CEP192: variants seen among roughly 807,000 people sequenced by gnomAD.
CEP192 encodes centrosomal protein 192.
CEP192 carries 151 observed loss-of-function variants against 271.8 expected under a neutral mutation model. The ratio of observed to expected loss-of-function variants is 0.56; its 90% CI spans 0.49 to 0.64. CEP192 has a LOEUF of 0.64. CEP192 is among the 30% of genes least tolerant of loss of function. The pLI, the probability that CEP192 is intolerant of heterozygous loss-of-function variation, is 0.00. For missense variants in CEP192, 2,910 were observed against 3,020.5 expected, an observed-to-expected ratio of 0.96 and a Z score of 0.86; for synonymous variants, 995 against 1,076.5, an observed-to-expected ratio of 0.92 and a Z score of 1.48.
chr18:13,122,105 A>G (rs919767695), intron 44 of CEP192, among the ~76,000 whole-genome samples: 1 of 152,174 alleles, frequency 6.6e-6, no homozygotes, highest in Non-Finnish European at 1.5e-5. Flanking sequence ...CCTGGCCAAC[A>G]TGTGAAACCC....
chr18:13,075,764 C>T (rs536010926), intron 30 of CEP192, among the ~76,000 whole-genome samples: 6 of 152,202 alleles, frequency 3.9e-5, no homozygotes, highest in Non-Finnish European at 8.8e-5. Flanking sequence ...GATACTACTA[C>T]TCTTGCCATT....
At chr18:13,054,271 G>A (rs909467497) in intron 18 of CEP192, among the ~76,000 whole-genome samples, 3 of 152,250 alleles carry the variant, frequency 2.0e-5, no homozygotes, top group Non-Finnish European at 4.4e-5. Flanking sequence ...GACAGTAGCA[G>A]TGGGAATAGA....
chr18:13,008,591 A>G lies in CEP192; in HGVS notation c.426A>G (p.Gln142=). 6.4e-7 allele frequency: 1 copy of G among 1,551,730 alleles called. No homozygotes were observed. The highest frequency in any genetic ancestry group is 2.4e-5 in the East Asian group (1 of 40,926). The change falls in exon 4 of 45, where the codon CAA becomes CAG. Residue 142 remains glutamine (Q), a synonymous_variant. Transcript: ENST00000506447. ...PAGATESLQG[Q]DLFNRASPLE... ...GAGCTACAGAATCCTTGCAGGGCCA[A>G]GATCTCTTCAACAGGGCTTCACCAC... is the stretch of plus-strand genomic sequence containing the variant.
At chr18:13,013,779 A>T (rs1435819226) in intron 5 of CEP192, among the ~76,000 whole-genome samples, 2 of 152,248 alleles carry the variant, frequency 1.3e-5, no homozygotes, top group Admixed American at 1.3e-4. Context: ...TCATGAATTT[A>T]TGAGACTTAC....
At chr18:13,119,130 AG>A (rs768906710) in intron 44 of CEP192, among the ~76,000 whole-genome samples, 1 of 152,266 alleles carries the variant, frequency 6.6e-6, no homozygotes, top group Non-Finnish European at 1.5e-5. Flanking sequence ...GCACAACTGC[AG>A]AGGCAATTAG....
rs776011694 is a variant in CEP192 at position 13,092,517 on chromosome 18, G to A, written c.6244G>A (p.Glu2082Lys). 72 of 1,604,508 alleles carry A rather than the reference G, an allele frequency of 4.5e-5. No homozygotes were observed. The highest frequency in any genetic ancestry group is 6.0e-5 in the Non-Finnish European group (71 of 1,176,352). Residue 2082 changes from glutamate to lysine, a missense_variant, in exon 34 of 45, where the codon GAA becomes AAA. Coordinates refer to ENST00000506447, the MANE Select transcript of CEP192 (RefSeq NM_032142.4). ...FLQPSSKASL[E>K]STSDLGASGK... ...TCAGCCTTCTTCCAAAGCTAGCTTGGAATCTACAAGGTAAAATAAATGAAC... is the reference window on the plus strand; with the variant it reads ...TCAGCCTTCTTCCAAAGCTAGCTTGAAATCTACAAGGTAAAATAAATGAAC...
intron 9 of CEP192, 56 bp downstream of exon 9, chr18:13,019,262 G>A (rs2034844719): frequency 1.5e-6 from 2 of 1,346,764 alleles, no homozygotes; most frequent in Non-Finnish European, 1.9e-6. Context: ...GGGGTCTTTT[G>A]TGTTTATATG....
intron 5 of CEP192, among the ~76,000 whole-genome samples, chr18:13,013,331 T>G (rs1409157290): frequency 6.6e-6 from 1 of 151,960 alleles, no homozygotes; most frequent in African/African-American, 2.4e-5. Flanking sequence ...AAGCATTTCT[T>G]TGTGTGTGTG....
chr18:13,019,244 A>G, intron 9 of CEP192, 38 bp downstream of exon 9: 2 of 1,456,276 alleles, frequency 1.4e-6, no homozygotes, highest in Admixed American at 2.9e-5. Flanking sequence ...CTATAAAAAA[A>G]GGAATAAGGG....
intron 8 of CEP192, 68 bp from the exon 9 acceptor site, chr18:13,019,010 CAAGA>C (rs2034828134): frequency 3.7e-6 from 5 of 1,369,096 alleles, no homozygotes; most frequent in Non-Finnish European, 4.9e-6. Flanking sequence ...ATTTGACTGG[CAAGA>C]ATCAGTTATT....
At chr18:13,103,042 T>C (rs1390757781) in intron 38 of CEP192, among the ~76,000 whole-genome samples, 6 of 152,192 alleles carry the variant, frequency 3.9e-5, no homozygotes, top group Non-Finnish European at 7.3e-5. Context: ...CTCCTGCCAC[T>C]CTGTCCATCA....
intron 17 of CEP192, among the ~76,000 whole-genome samples, chr18:13,050,579 T>G (rs937288656): frequency 2.0e-5 from 3 of 151,690 alleles, no homozygotes; most frequent in Non-Finnish European, 4.4e-5. Flanking sequence ...TAATTGCTTT[T>G]TTTTTTTTCT....
rs2038079812 is a variant in CEP192, at chr18:13,072,812, G to A, written c.5406G>A (p.Leu1802=). Residue 1802 remains leucine, a synonymous_variant, in exon 29 of 45, where the codon CTG becomes CTA. Transcript: ENST00000506447. ...NSASTTQHLR[L]LIRGQDQDCF... ...CATCTACAACTCAACATTTACGACT[G>A]CTTATTAGAGGACAAGATCAGGACT... 6.2e-7 allele frequency: 1 copy of A among 1,612,832 alleles called. No individual in the cohort carries two copies. The highest frequency in any genetic ancestry group is 8.5e-7 in the Non-Finnish European group (1 of 1,178,932).
chr18:13,021,166 T>C (rs1333154897), intron 9 of CEP192, among the ~76,000 whole-genome samples: 3 of 152,240 alleles, frequency 2.0e-5, no homozygotes, highest in Non-Finnish European at 2.9e-5. Context: ...TTTTCCTGTT[T>C]TATTCTAAGA....
intron 44 of CEP192, among the ~76,000 whole-genome samples, chr18:13,122,064 G>A (rs1317567356): frequency 1.3e-5 from 2 of 152,348 alleles, no homozygotes; most frequent in South Asian, 2.1e-4. Context: ...CAAGACGGGC[G>A]GGTCATCTGA....
At chr18:13,011,231 A>G (rs2145897166) in intron 4 of CEP192, among the ~76,000 whole-genome samples, 1 of 151,856 alleles carries the variant, frequency 6.6e-6, no homozygotes, top group East Asian at 1.9e-4. Flanking sequence ...TGTCTCAAAA[A>G]AAAAAAAAAG....
chr18:13,068,564 G>T, intron 24 of CEP192, 142 bp downstream of exon 24: 1 of 779,190 alleles, frequency 1.3e-6, no homozygotes, highest in East Asian at 2.7e-5. Flanking sequence ...TGAGGCAGAT[G>T]GCATGCTGTT....
intron 30 of CEP192, 111 bp from the exon 31 acceptor site, chr18:13,086,906 A>G: frequency 1.3e-6 from 1 of 754,050 alleles, no homozygotes; most frequent in Non-Finnish European, 2.1e-6. Flanking sequence ...GTACACAAAC[A>G]TTTAAATTTT....
At chr18:13,023,569 A>G (rs192632399) in intron 9 of CEP192, among the ~76,000 whole-genome samples, 59 of 151,594 alleles carry the variant, frequency 3.9e-4, no homozygotes, top group African/African-American at 1.4e-3. Context: ...CCAGGCTTGC[A>G]TACCTGGGAT....
Sources: gnomAD v4.1 joint callset for allele counts (sites outside exome capture counted in the v4.1 genomes callset) on GRCh38, gnomAD v4.1.1 for gene constraint, MANE v1.5 for transcripts, NCBI Gene and HGNC (gene_info 2026-07-23, HGNC 2026-07-21) for gene names.